DMAC2L: variants seen among roughly 807,000 people sequenced by gnomAD.
DMAC2L encodes distal membrane arm assembly component 2 like.
DMAC2L carries 21 observed loss-of-function variants against 22.5 expected under a neutral mutation model. The ratio of observed to expected loss-of-function variants is 0.93; its 90% CI spans 0.66 to 1.34. The LOEUF is 1.34. DMAC2L is among the 40% of genes most tolerant of loss of function. The pLI, the probability that DMAC2L is intolerant of heterozygous loss-of-function variation, is 0.00. For synonymous variants in DMAC2L, 86 were observed against 89.5 expected, an observed-to-expected ratio of 0.96 and a Z score of 0.22; for missense variants, 239 against 246.5, an observed-to-expected ratio of 0.97 and a Z score of 0.20.
At chr14:50,313,780 A>ATGGT (rs1255223305) in intron 1 of DMAC2L, among the ~76,000 whole-genome samples, 1 of 152,116 alleles carries the variant, frequency 6.6e-6, no homozygotes, top group African/African-American at 2.4e-5. Context: ...TTAGTTCTAT[A>ATGGT]TGGTTATCAG....
At chr14:50,317,057 C>G (rs2031865088) in intron 2 of DMAC2L, among the ~76,000 whole-genome samples, 1 of 152,178 alleles carries the variant, frequency 6.6e-6, no homozygotes, top group Non-Finnish European at 1.5e-5. Flanking sequence ...CTCTATCCAT[C>G]CATGAGCATG....
At chr14:50,321,284 C>G (rs889558013) in intron 2 of DMAC2L, 199 bp from the exon 3 acceptor site, 3 of 1,018,060 alleles carry the variant, frequency 2.9e-6, no homozygotes, top group Non-Finnish European at 3.9e-6. Context: ...TAGACACCAT[C>G]CAGTCCAACC....
chr14:50,324,831 A>C (rs1008093677), intron 5 of DMAC2L: 6 of 152,328 alleles, frequency 3.9e-5, no homozygotes, highest in African/African-American at 1.4e-4. Flanking sequence ...GTTGGAGTGC[A>C]GTGGCATGAT....
chr14:50,320,325 C>G (rs56027464), intron 2 of DMAC2L, among the ~76,000 whole-genome samples: 86,435 of 151,804 alleles, frequency 0.57, 24,604 homozygotes, highest in Middle Eastern at 0.62. Flanking sequence ...TAGCCAGGAT[C>G]GTCTCGATAT....
At chr14:50,311,897 C>T (rs189615591), upstream of DMAC2L, 180 of 1,433,350 alleles carry the variant, frequency 1.3e-4, 1 homozygote, top group East Asian at 2.5e-3. Context: ...CCACAGGACC[C>T]CAACCTGCTC....
intron 2 of DMAC2L, among the ~76,000 whole-genome samples, chr14:50,315,620 C>T (rs2031714878): frequency 6.9e-6 from 1 of 144,280 alleles, no homozygotes; most frequent in Admixed American, 7.0e-5. Flanking sequence ...TGAGACTGCG[C>T]CACTGCACTC....
chr14:50,322,621 A>G lies in DMAC2L; in HGVS notation c.218A>G (p.Asp73Gly). The change falls in exon 4 of 6, where the codon GAC becomes GGC. Residue 73 changes from aspartate to glycine, a missense_variant. Transcript: ENST00000557421. ...RYHGQERWQK[D>G]YNHLPTGPLD... ...CATGGCCAGGAGAGGTGGCAGAAGG[A>G]CTACAACCACCTTCCAACAGGCCCT... 1.9e-6 allele frequency: 3 copies of G among 1,614,144 alleles called. No individual in the cohort carries two copies. In the African/African-American group the frequency reaches 4.0e-5, roughly 22 times the overall value.
chr14:50,326,321 A>ATATT lies in DMAC2L; in HGVS notation c.*601_*604dup, dbSNP rs374964333. The stretch of plus-strand genomic sequence containing the variant: ...AATCTATAGATATCTCTTGATGTAG[A>ATATT]TATTTAGAATCCTTTAAAGTTATTT... On this transcript the variant is annotated 3_prime_UTR_variant, in exon 6 of 6. Coordinates refer to ENST00000557421, the MANE Select transcript of DMAC2L (RefSeq NM_001382507.1). The ATATT allele has an allele frequency of 6.0e-5, 37 of 613,308 alleles. No homozygotes were observed. The African/African-American group carries it at 6.2e-4, about 10-fold the overall frequency. The allele number at this position is 613,308 out of a possible 1,614,324, so 38.0% of individuals were successfully genotyped here. A position where few individuals can be genotyped will look rare whatever the true frequency, so the allele number is the denominator to read the frequency against.
At chr14:50,324,582 A>C (rs1334763481) in intron 5 of DMAC2L, 2 of 152,458 alleles carry the variant, frequency 1.3e-5, no homozygotes. Flanking sequence ...AATAATCATC[A>C]AAAGCATGCA....
upstream of DMAC2L, chr14:50,311,911 C>A (rs1252326303): frequency 2.7e-6 from 4 of 1,491,164 alleles, no homozygotes; most frequent in East Asian, 2.5e-5. Flanking sequence ...CCTGCTCTCA[C>A]CCCGGGACAG....
upstream of DMAC2L, chr14:50,311,939 C>T (rs1391206623): frequency 5.2e-6 from 8 of 1,529,226 alleles, no homozygotes; most frequent in South Asian, 6.0e-5. Flanking sequence ...CGAACAGGGG[C>T]ACAGGTCCAC....
intron 4 of DMAC2L, among the ~76,000 whole-genome samples, chr14:50,323,541 G>A (rs2032472874): frequency 6.6e-6 from 1 of 151,850 alleles, no homozygotes; most frequent in Non-Finnish European, 1.5e-5. Flanking sequence ...CTACAGGTGT[G>A]CACTACCACG....
chr14:50,314,689 T>G (rs2031610211), intron 2 of DMAC2L, 63 bp downstream of exon 2: 2 of 451,944 alleles, frequency 4.4e-6, no homozygotes, highest in Admixed American at 2.4e-5. Context: ...TTGCCCAGGC[T>G]GGAGTGCAGT....
chr14:50,321,243 T>A (rs1270263058), intron 2 of DMAC2L: 6 of 486,294 alleles, frequency 1.2e-5, no homozygotes, highest in Non-Finnish European at 1.8e-5. Flanking sequence ...GTTTCAACAG[T>A]GGAACTTAAC....
At chr14:50,319,004 T>G (rs1033730340) in intron 2 of DMAC2L, 15 of 984,930 alleles carry the variant, frequency 1.5e-5, no homozygotes, top group Non-Finnish European at 1.8e-5. Context: ...AGACATTCAA[T>G]AAACATTTTT....
intron 2 of DMAC2L, among the ~76,000 whole-genome samples, chr14:50,320,648 A>G (rs2032188958): frequency 6.6e-6 from 1 of 152,132 alleles, no homozygotes; most frequent in African/African-American, 2.4e-5. Context: ...AAGTTCTGTC[A>G]CTTATTTTAA....
rs766889535 is a variant in DMAC2L, at chr14:50,325,751, G to A, written c.*28G>A. ...TAATGTGTCTTATTTCAGTATAAAG[G>A]ATCATTTGAAACTGTTGATTCCAAA... On this transcript the variant is annotated 3_prime_UTR_variant, in exon 6 of 6. Transcript: ENST00000557421. 3.4e-5 allele frequency: 54 copies of A among 1,591,954 alleles called. 2 individuals are homozygous for A. In the South Asian group the frequency reaches 5.9e-4, roughly 17 times the overall value.
chr14:50,312,311 G>A, upstream of DMAC2L: 1 of 1,078,412 alleles, frequency 9.3e-7, no homozygotes, highest in Admixed American at 2.4e-5. Flanking sequence ...AGGCGCGCGC[G>A]TCGGAGGGCG....
chr14:50,322,856 G>A lies in DMAC2L; in HGVS notation c.316+137G>A, dbSNP rs1019148692. ...TATAGTCAAGTTTGTTTCTTCCTGT[G>A]TTTGATATTTATTTTCAAATTAAAT... On this transcript the variant is annotated intron_variant, in intron 4 of 5. Coordinates refer to ENST00000557421, the MANE Select transcript of DMAC2L (RefSeq NM_001382507.1). 8 of 1,491,272 alleles carry A rather than the reference G, an allele frequency of 5.4e-6. No homozygotes were observed. In the African/African-American group the frequency reaches 5.6e-5, roughly 10 times the overall value. 92.4% of individuals were successfully genotyped at this position (1,491,272 alleles called of 1,614,324 possible).
Sources: gnomAD v4.1 joint callset for allele counts (sites outside exome capture counted in the v4.1 genomes callset) on GRCh38, gnomAD v4.1.1 for gene constraint, MANE v1.5 for transcripts, NCBI Gene and HGNC (gene_info 2026-07-23, HGNC 2026-07-21) for gene names.